The following NAPEPLD variants were observed in gnomAD, a reference collection of about 807,000 sequenced individuals.
NAPEPLD encodes N-acyl-phosphatidylethanolamine-hydrolyzing phospholipase D.
NAPEPLD carries 23 observed loss-of-function variants against 38.1 expected under a neutral mutation model. The observed-to-expected ratio is 0.60, with a 90% CI of 0.43 to 0.86. NAPEPLD has a LOEUF of 0.86. Ranked by LOEUF, NAPEPLD falls within the 40% of genes least tolerant of loss-of-function variation. The probability of loss-of-function intolerance (pLI) is 0.00; values close to 1 mark genes in which losing one functional copy is unlikely to be tolerated. For synonymous variants in NAPEPLD, 147 were observed against 162.0 expected, an observed-to-expected ratio of 0.91 and a Z score of 0.71; for missense variants, 411 against 476.8, an observed-to-expected ratio of 0.86 and a Z score of 1.28.
In NAPEPLD at chr7:103,102,498, G is replaced by T. The variant is rs765959698; in HGVS notation, c.*931C>A. ...CTACAGGTACACACCACCTCACCCG[G>T]CTTTTTCTTTTTTCTTTTTTTTTTT... On this transcript the variant is annotated 3_prime_UTR_variant, in exon 5 of 5. Coordinates refer to ENST00000465647, the MANE Select transcript of NAPEPLD (RefSeq NM_001122838.3). 6.6e-6 allele frequency: 1 copy of T among 151,816 alleles called. No homozygotes were observed. Among genetic ancestry groups the T allele is most frequent in the Non-Finnish European group, 1.5e-5 (1 of 68,006 alleles). 9.4% of individuals were successfully genotyped at this position (151,816 alleles called of 1,614,324 possible). A position where few individuals can be genotyped will look rare whatever the true frequency, so the allele number is the denominator to read the frequency against.
intron 1 of NAPEPLD, among the ~76,000 whole-genome samples, chr7:103,135,143 G>A (rs761436702): frequency 7.2e-5 from 11 of 152,136 alleles, no homozygotes; most frequent in East Asian, 1.9e-4. Context: ...TGTCCATTAC[G>A]TAACAACAAA....
intron 2 of NAPEPLD, among the ~76,000 whole-genome samples, chr7:103,120,695 A>ATTTTT (rs1563355903): frequency 1.3e-3 from 44 of 32,958 alleles, no homozygotes; most frequent in Non-Finnish European, 2.6e-3. Flanking sequence ...TGAATCTGAT[A>ATTTTT]TTTTTCTTTT....
intron 1 of NAPEPLD, among the ~76,000 whole-genome samples, chr7:103,130,898 T>C (rs1563363930): frequency 6.6e-6 from 1 of 152,192 alleles, no homozygotes; most frequent in Non-Finnish European, 1.5e-5. Flanking sequence ...TAAGTTATTC[T>C]AGAACTTAAA....
intron 1 of NAPEPLD, among the ~76,000 whole-genome samples, chr7:103,134,501 T>C (rs779797041): frequency 6.6e-6 from 1 of 151,930 alleles, no homozygotes; most frequent in Non-Finnish European, 1.5e-5. Context: ...AATACAAAAA[T>C]TAGCTAGGCA....
chr7:103,139,744 A>G (rs1810829892), intron 1 of NAPEPLD, among the ~76,000 whole-genome samples: 3 of 152,180 alleles, frequency 2.0e-5, no homozygotes, highest in Non-Finnish European at 4.4e-5. Context: ...AAAAATGACA[A>G]AAAAATAAAC....
At chr7:103,144,670 CAT>C in intron 1 of NAPEPLD, among the ~76,000 whole-genome samples, 1 of 151,652 alleles carries the variant, frequency 6.6e-6, no homozygotes, top group Middle Eastern at 3.4e-3. Context: ...GGAGGATCAA[CAT>C]ATCTAGTTTG....
chr7:103,119,858 T>C lies in NAPEPLD; in HGVS notation c.660A>G (p.Gln220=). The C allele has an allele frequency of 6.2e-7, 1 of 1,614,158 alleles. No homozygotes were observed. The highest frequency in any genetic ancestry group is 1.1e-5 in the South Asian group (1 of 91,078). Residue 220 remains glutamine (Q), a synonymous_variant, in exon 3 of 5, where the codon CAA becomes CAG. Transcript: ENST00000465647. ...FVPLGLLDWM[Q]KCGCENVIEL... is the part of the protein sequence containing the mutation. ...CAATCACATTCTCACAGCCACATTT[T>C]TGCATCCAGTCAAGGAGACCCAAAG... is the stretch of plus-strand genomic sequence containing the variant.
chr7:103,105,237 T>A (rs1057141538), intron 4 of NAPEPLD, among the ~76,000 whole-genome samples: 5 of 151,976 alleles, frequency 3.3e-5, no homozygotes, highest in African/African-American at 1.2e-4. Flanking sequence ...CAACTACATA[T>A]AAAGCAAAAC....
At chr7:103,149,787 G>T (rs1025632990), upstream of NAPEPLD, among the ~76,000 whole-genome samples, 2 of 152,220 alleles carry the variant, frequency 1.3e-5, no homozygotes, top group Non-Finnish European at 2.9e-5. Flanking sequence ...AGCCACAGTT[G>T]CTAAAACTAA....
intron 1 of NAPEPLD, chr7:103,147,933 A>C: frequency 1.1e-6 from 1 of 952,046 alleles, no homozygotes; most frequent in East Asian, 1.2e-4. Flanking sequence ...TCTCTCCTTA[A>C]ATTATTATTT....
rs535218001 is a variant in NAPEPLD, at chr7:103,141,363, C to A, written c.-17+7448G>T. The A allele has an allele frequency of 1.5e-4, 109 of 738,710 alleles. No homozygotes were observed. The East Asian group carries it at 2.9e-3, about 20-fold the overall frequency. The allele number at this position is 738,710 out of a possible 1,614,324, so 45.8% of individuals were successfully genotyped here. A position where few individuals can be genotyped will look rare whatever the true frequency, so the allele number is the denominator to read the frequency against. On this transcript the variant is annotated intron_variant, in intron 1 of 4. Transcript: ENST00000465647. Reference sequence around the variant, plus strand: ...AGGGGCAGCTTTTATTTCTTGGTCTCTTCCTCCTTGGACAAAGTCTTGATG... The same window carrying A: ...AGGGGCAGCTTTTATTTCTTGGTCTATTCCTCCTTGGACAAAGTCTTGATG...
At chr7:103,108,134 CTTTTTTTTTTTTTT>C (rs56793237) in intron 4 of NAPEPLD, among the ~76,000 whole-genome samples, 1 of 117,532 alleles carries the variant, frequency 8.5e-6, no homozygotes, top group African/African-American at 3.3e-5. Context: ...ATTCAACATT[CTTTTTTTTTTTTTT>C]TTTTTTTTTT....
chr7:103,126,782 A>ATTTTTTTTTTTTT, intron 2 of NAPEPLD: 1 of 78,764 alleles, frequency 1.3e-5, no homozygotes, highest in Non-Finnish European at 2.4e-5. Context: ...AATTTTTTGT[A>ATTTTTTTTTTTTT]TTTTTTTTTT....
chr7:103,119,666 A>G lies in NAPEPLD; in HGVS notation c.852T>C (p.Asp284=), dbSNP rs142806646. The G allele has an allele frequency of 3.7e-6, 6 of 1,614,180 alleles. No individual in the cohort carries two copies. In the African/African-American group the frequency reaches 5.3e-5, roughly 14 times the overall value. Residue 284 remains aspartate (D), a synonymous_variant, in exon 3 of 5, where the codon GAT becomes GAC. Coordinates refer to ENST00000465647, the MANE Select transcript of NAPEPLD (RefSeq NM_001122838.3). The part of the protein sequence containing the change: ...GPWNRFFFAG[D]TGYCPAFEEI... Reference sequence around the variant, plus strand: ...CTTCAAAAGCAGGGCAATAACCAGTATCTCCTGCGAAAAAAAATCGATTCC... The same window carrying G: ...CTTCAAAAGCAGGGCAATAACCAGTGTCTCCTGCGAAAAAAAATCGATTCC...
At chr7:103,147,071 A>C (rs1366541965) in intron 1 of NAPEPLD, among the ~76,000 whole-genome samples, 4 of 152,226 alleles carry the variant, frequency 2.6e-5, no homozygotes, top group Admixed American at 2.6e-4. Context: ...TTCGTATGCA[A>C]TCTGTCTCCA....
At chr7:103,137,022 C>G (rs1810210731) in intron 1 of NAPEPLD, among the ~76,000 whole-genome samples, 1 of 152,310 alleles carries the variant, frequency 6.6e-6, no homozygotes, top group Non-Finnish European at 1.5e-5. Context: ...TCACTGCAAC[C>G]TCCACCTCCC....
chr7:103,141,806 A>G (rs919005549), intron 1 of NAPEPLD: 11 of 902,548 alleles, frequency 1.2e-5, no homozygotes, highest in Non-Finnish European at 1.9e-5. Flanking sequence ...CCCATCTTTG[A>G]TCAGCTTCCG....
chr7:103,144,994 C>T (rs1968197), intron 1 of NAPEPLD, among the ~76,000 whole-genome samples: 127,902 of 151,876 alleles, frequency 0.84, 56,539 homozygotes, highest in East Asian at 1. Flanking sequence ...CTGGGCAACA[C>T]AGCAAGACTC....
intron 1 of NAPEPLD, among the ~76,000 whole-genome samples, chr7:103,136,272 A>C (rs1810038145): frequency 6.6e-6 from 1 of 151,594 alleles, no homozygotes; most frequent in African/African-American, 2.4e-5. Flanking sequence ...ACCTCAAAAA[A>C]AAAATGCAAA....
Sources: allele counts gnomAD v4.1 joint callset (sites outside exome capture counted in the v4.1 genomes callset), GRCh38; gene constraint gnomAD v4.1.1; transcripts MANE v1.5; gene names NCBI Gene and HGNC (gene_info 2026-07-23, HGNC 2026-07-21).